Variants in BMPR1B observed in about 807,000 individuals in gnomAD.
The protein encoded by BMPR1B is bone morphogenetic protein receptor type 1B.
In BMPR1B, 12 loss-of-function variants were observed where a neutral mutation model predicts 59.1. The observed-to-expected ratio is 0.20, with a 90% CI of 0.13 to 0.33. BMPR1B has a LOEUF of 0.33. Ranked by LOEUF, BMPR1B falls within the 10% of genes least tolerant of loss-of-function variation. BMPR1B has a pLI of 1.00. For synonymous variants in BMPR1B, 237 were observed against 207.3 expected, an observed-to-expected ratio of 1.14 and a Z score of -1.23; for missense variants, 550 against 610.9, an observed-to-expected ratio of 0.90 and a Z score of 1.05.
intron 1 of BMPR1B, among the ~76,000 whole-genome samples, chr4:94,798,746 G>T (rs967536678): frequency 2.0e-5 from 3 of 152,066 alleles, no homozygotes; most frequent in Admixed American, 1.3e-4. Context: ...TTGACAGTGG[G>T]AGAGATTGAG....
intron 3 of BMPR1B, among the ~76,000 whole-genome samples, chr4:95,057,646 T>A (rs1727032588): frequency 6.6e-6 from 1 of 152,110 alleles, no homozygotes; most frequent in African/African-American, 2.4e-5. Flanking sequence ...CTAGAAAAAC[T>A]GCACCTGCTC....
intron 1 of BMPR1B, among the ~76,000 whole-genome samples, chr4:94,791,098 C>T (rs1255368731): frequency 6.6e-6 from 1 of 152,164 alleles, no homozygotes; most frequent in Non-Finnish European, 1.5e-5. Flanking sequence ...ACAAGCGATT[C>T]TCCTGCCTTA....
At chr4:94,961,248 A>G (rs1467221152) in intron 2 of BMPR1B, among the ~76,000 whole-genome samples, 1 of 152,074 alleles carries the variant, frequency 6.6e-6, no homozygotes, top group African/African-American at 2.4e-5. Flanking sequence ...CACCTATTAT[A>G]TATACAGGAA....
intron 2 of BMPR1B, among the ~76,000 whole-genome samples, chr4:94,927,389 A>C (rs1464964245): frequency 6.6e-6 from 1 of 152,168 alleles, no homozygotes; most frequent in Non-Finnish European, 1.5e-5. Context: ...CATAGGAACT[A>C]TACAAGGCAC....
chr4:95,073,892 A>G (rs765923194), intron 3 of BMPR1B, among the ~76,000 whole-genome samples: 35 of 152,238 alleles, frequency 2.3e-4, no homozygotes, highest in South Asian at 4.1e-4. Context: ...TTAAAGAAAG[A>G]TAAAAACACT....
At chr4:94,918,225 C>G (rs1728562001) in intron 2 of BMPR1B, among the ~76,000 whole-genome samples, 1 of 151,964 alleles carries the variant, frequency 6.6e-6, no homozygotes. Context: ...TTTTTATTCT[C>G]TAATTTTTCT....
At chr4:94,793,049 G>C (rs1419601206) in intron 1 of BMPR1B, among the ~76,000 whole-genome samples, 1 of 151,180 alleles carries the variant, frequency 6.6e-6, no homozygotes, top group African/African-American at 2.4e-5. Flanking sequence ...TAAGTTTTAG[G>C]GTACATGTGC....
chr4:94,813,300 A>G (rs1321113277), intron 1 of BMPR1B, among the ~76,000 whole-genome samples: 2 of 152,236 alleles, frequency 1.3e-5, no homozygotes, highest in Non-Finnish European at 2.9e-5. Flanking sequence ...TCTGTTTTAA[A>G]GAAGGTGTTA....
At chr4:94,799,130 G>A (rs1723301976) in intron 1 of BMPR1B, among the ~76,000 whole-genome samples, 1 of 148,960 alleles carries the variant, frequency 6.7e-6, no homozygotes, top group Non-Finnish European at 1.5e-5. Flanking sequence ...CTTCTGGAAT[G>A]TAATTTTTCA....
intron 3 of BMPR1B, among the ~76,000 whole-genome samples, chr4:95,055,560 G>C (rs1215056788): frequency 1.3e-5 from 2 of 152,126 alleles, no homozygotes; most frequent in South Asian, 4.1e-4. Flanking sequence ...CTTAATCTCA[G>C]GCTATTAATC....
chr4:95,146,788 G>T (rs1332474037), intron 10 of BMPR1B, among the ~76,000 whole-genome samples: 3 of 152,200 alleles, frequency 2.0e-5, no homozygotes, highest in Non-Finnish European at 4.4e-5. Flanking sequence ...CCCATGAGAG[G>T]TGTCAGCAGG....
intron 2 of BMPR1B, among the ~76,000 whole-genome samples, chr4:94,880,239 T>C (rs1443376928): frequency 3.9e-5 from 6 of 152,200 alleles, no homozygotes; most frequent in Admixed American, 3.9e-4. Context: ...AGTACTGTAC[T>C]TCTAACTTGT....
At chr4:95,097,269 A>AC (rs1730499410) in intron 3 of BMPR1B, among the ~76,000 whole-genome samples, 1 of 151,320 alleles carries the variant, frequency 6.6e-6, no homozygotes, top group Non-Finnish European at 1.5e-5. Flanking sequence ...AGGGAGGGAC[A>AC]AAGGAATAAA....
intron 1 of BMPR1B, among the ~76,000 whole-genome samples, chr4:94,823,737 G>A (rs990058507): frequency 8.6e-6 from 1 of 116,560 alleles, no homozygotes; most frequent in African/African-American, 3.3e-5. Flanking sequence ...ATAGTTTTTA[G>A]TATCCTTTTG....
At chr4:95,008,859 C>T (rs916696870) in intron 3 of BMPR1B, among the ~76,000 whole-genome samples, 1 of 151,924 alleles carries the variant, frequency 6.6e-6, no homozygotes, top group Non-Finnish European at 1.5e-5. Flanking sequence ...ATGAAACATG[C>T]TGAACCTCAT....
At position 95,131,256 on chromosome 4, in the gene BMPR1B, C is replaced by G. The variant is rs1183108551; in HGVS notation, c.820C>G (p.Gln274Glu). Residue 274 changes from glutamine (Q) to glutamate (E), a missense_variant, in exon 10 of 13, where the codon CAG becomes GAG. Coordinates refer to ENST00000515059, the MANE Select transcript of BMPR1B (RefSeq NM_001203.3). ...ADIKGTGSWT[Q>E]LYLITDYHEN... ...TATCAAAGGGACAGGGTCCTGGACCCAGTTGTACCTAATCACAGACTATCA... is the reference window on the plus strand; with the variant it reads ...TATCAAAGGGACAGGGTCCTGGACCGAGTTGTACCTAATCACAGACTATCA... 1.2e-6 allele frequency: 2 copies of G among 1,613,848 alleles called. No homozygotes were observed. The highest frequency in any genetic ancestry group is 1.1e-5 in the South Asian group (1 of 91,052).
chr4:94,901,459 C>T (rs554956200), intron 2 of BMPR1B, among the ~76,000 whole-genome samples: 25 of 151,926 alleles, frequency 1.6e-4, no homozygotes, highest in Admixed American at 7.9e-4. Flanking sequence ...CCCGAGAGAC[C>T]GGATGGCAGT....
At chr4:95,059,008 A>G (rs1023758558) in intron 3 of BMPR1B, among the ~76,000 whole-genome samples, 1 of 152,160 alleles carries the variant, frequency 6.6e-6, no homozygotes, top group Admixed American at 6.5e-5. Flanking sequence ...CCTACTTTAT[A>G]AAAAAGTTAA....
At chr4:95,137,267 TGA>T (rs1198229102) in intron 10 of BMPR1B, among the ~76,000 whole-genome samples, 1 of 152,200 alleles carries the variant, frequency 6.6e-6, no homozygotes, top group Non-Finnish European at 1.5e-5. Flanking sequence ...CACTGTGGTC[TGA>T]GAGATAGTTT....
Sources: gnomAD v4.1 joint callset for allele counts (sites outside exome capture counted in the v4.1 genomes callset) on GRCh38, gnomAD v4.1.1 for gene constraint, MANE v1.5 for transcripts, NCBI Gene and HGNC (gene_info 2026-07-23, HGNC 2026-07-21) for gene names.